STAU1: variants seen among roughly 807,000 people sequenced by gnomAD.
The protein encoded by STAU1 is staufen double-stranded RNA binding protein 1.
A neutral mutation model predicts 62.9 loss-of-function variants in STAU1; 13 were observed. That is an observed-to-expected ratio of 0.21 (90% CI 0.13 to 0.33). The LOEUF (loss-of-function observed/expected upper bound fraction) is 0.33. STAU1 is among the 10% of genes least tolerant of loss of function. The pLI is 1.00. For synonymous variants in STAU1, 269 were observed against 265.1 expected (o/e 1.01, Z -0.14); for missense variants, 571 against 712.1 (o/e 0.80, Z 2.25).
intron 3 of STAU1, among the ~76,000 whole-genome samples, chr20:49,162,135 C>G (rs189065319): frequency 7.5e-4 from 111 of 148,164 alleles, no homozygotes; most frequent in African/African-American, 2.9e-3. Context: ...AACTCTCATT[C>G]CTGGGCATCC....
chr20:49,123,937 C>G (rs905184113), intron 7 of STAU1, among the ~76,000 whole-genome samples: 1 of 152,106 alleles, frequency 6.6e-6, no homozygotes, highest in Non-Finnish European at 1.5e-5. Flanking sequence ...TAGTGTGGCT[C>G]AAAAATCCAA....
chr20:49,203,562 G>A, the STAU1 span, among the ~76,000 whole-genome samples: 1 of 152,182 alleles, frequency 6.6e-6, no homozygotes, highest in Non-Finnish European at 1.5e-5. Flanking sequence ...GATTCGAGAG[G>A]AAAGCTTGGG....
intron 6 of STAU1, among the ~76,000 whole-genome samples, chr20:49,126,845 A>C (rs1264688918): frequency 6.6e-6 from 1 of 151,900 alleles, no homozygotes; most frequent in Admixed American, 6.6e-5. Flanking sequence ...GCAACTAACT[A>C]GGTATCTGCA....
At chr20:49,177,088 T>C (rs2093669238) in intron 1 of STAU1, among the ~76,000 whole-genome samples, 1 of 151,986 alleles carries the variant, frequency 6.6e-6, no homozygotes, top group Non-Finnish European at 1.5e-5. Context: ...ATTTTTTGTA[T>C]TTTTAGTAGA....
intron 2 of STAU1, among the ~76,000 whole-genome samples, chr20:49,173,210 C>A (rs1433478670): frequency 1.3e-5 from 2 of 151,322 alleles, no homozygotes; most frequent in Non-Finnish European, 2.9e-5. Context: ...GTAATCCCAA[C>A]ACTTTGGGAG....
intron 3 of STAU1, 67 bp from the exon 4 acceptor site, chr20:49,154,138 T>A (rs981696048): frequency 6.8e-6 from 10 of 1,465,576 alleles, no homozygotes; most frequent in African/African-American, 1.4e-5. Flanking sequence ...TAAAATAAAA[T>A]GTAATAGCAT....
At chr20:49,138,635 G>C (rs1000450160) in intron 5 of STAU1, among the ~76,000 whole-genome samples, 2 of 152,116 alleles carry the variant, frequency 1.3e-5, no homozygotes, top group Admixed American at 6.5e-5. Flanking sequence ...CTGAGTAGCT[G>C]GGACTACTGG....
intron 10 of STAU1, 106 bp from the exon 11 acceptor site, chr20:49,118,202 C>A: frequency 1.4e-6 from 2 of 1,384,168 alleles, no homozygotes; most frequent in Non-Finnish European, 2.0e-6. Flanking sequence ...CGCATGGCAG[C>A]GCAGGGAATC....
intron 6 of STAU1, chr20:49,134,821 C>A: frequency 1.4e-6 from 2 of 1,444,402 alleles, no homozygotes; most frequent in Non-Finnish European, 9.7e-7. Flanking sequence ...TTCCACTTCA[C>A]GCAATTTATA....
intron 8 of STAU1, among the ~76,000 whole-genome samples, chr20:49,120,406 C>A (rs2092439362): frequency 6.6e-6 from 1 of 152,184 alleles, no homozygotes; most frequent in Non-Finnish European, 1.5e-5. Context: ...CATCTGTGTT[C>A]TGAGGGTCTG....
chr20:49,212,921 T>C, the STAU1 span, among the ~76,000 whole-genome samples: 3 of 152,132 alleles, frequency 2.0e-5, no homozygotes, highest in Non-Finnish European at 4.4e-5. Flanking sequence ...ACTGTTGTAA[T>C]ATCGGGTAAT....
At chr20:49,141,943 C>T (rs2093016185) in intron 5 of STAU1, among the ~76,000 whole-genome samples, 2 of 152,088 alleles carry the variant, frequency 1.3e-5, no homozygotes, top group South Asian at 4.1e-4. Flanking sequence ...TAAATCCAAA[C>T]TTATAAGTTT....
In STAU1 at chr20:49,114,576, G is replaced by A. The variant is rs958447669; in HGVS notation, c.*302C>T. ...GACCAAACACGGAGGTGCCCAGGGT[G>A]TGGATCTGCTGGTGTCCCGGGAGAA... is the stretch of plus-strand genomic sequence containing the variant. On this transcript the variant is annotated 3_prime_UTR_variant, in exon 14 of 14. Transcript: ENST00000371856. 4 of 416,678 alleles carry A rather than the reference G, an allele frequency of 9.6e-6. No homozygotes were observed. Among genetic ancestry groups the A allele is most frequent in the African/African-American group, 7.9e-5 (4 of 50,320 alleles). 25.8% of individuals were successfully genotyped at this position (416,678 alleles called of 1,614,324 possible).
chr20:49,117,940 G>T lies in STAU1; in HGVS notation c.1346C>A (p.Ala449Asp), dbSNP rs767562430. 2.0e-5 allele frequency: 33 copies of T among 1,614,164 alleles called. No individual in the cohort carries two copies. In the East Asian group the frequency reaches 5.1e-4, roughly 25 times the overall value. Residue 449 changes from alanine (A) to aspartate (D), a missense_variant, in exon 11 of 14, where the codon GCC becomes GAC. Physicochemically the swap from Ala to Asp is moderately radical, Grantham distance 126. Transcript: ENST00000371856. This position sits in a 1 kb window ranked among gnomAD's most constrained non-coding sequence, Gnocchi z 4.6. ...TCGGGCTATCATGGCAGTTACCGTG[G>T]CCTTGGCAGGATTCGGAGCTGCCCT... ...FTRAAPNPAK[A>D]TVTAMIAREL...
intron 3 of STAU1, among the ~76,000 whole-genome samples, chr20:49,154,409 G>A (rs1253548013): frequency 1.3e-5 from 2 of 152,178 alleles, no homozygotes; most frequent in East Asian, 1.9e-4. Flanking sequence ...CCATGTAAAT[G>A]TCCAAATTGT....
At chr20:49,124,090 G>A (rs139296673) in intron 7 of STAU1, among the ~76,000 whole-genome samples, 8 of 152,302 alleles carry the variant, frequency 5.3e-5, no homozygotes, top group East Asian at 1.9e-4. Flanking sequence ...CCCACAGACC[G>A]GCATGGCGTT....
chr20:49,171,569 G>A (rs561948349), intron 2 of STAU1, among the ~76,000 whole-genome samples: 7 of 152,206 alleles, frequency 4.6e-5, no homozygotes, highest in African/African-American at 1.4e-4. Context: ...TTACAAGCGT[G>A]AGCCACCGCA....
the STAU1 span, among the ~76,000 whole-genome samples, chr20:49,214,858 A>G: frequency 1.3e-5 from 2 of 152,240 alleles, no homozygotes; most frequent in Admixed American, 6.5e-5. Context: ...GAATTTCAAC[A>G]CATGAATTTG....
At chr20:49,205,121 A>T in the STAU1 span, among the ~76,000 whole-genome samples, 1 of 152,172 alleles carries the variant, frequency 6.6e-6, no homozygotes, top group Non-Finnish European at 1.5e-5. Context: ...TCTCAAATTT[A>T]ATACCAAGTA....
Sources: gnomAD v4.1 joint callset for allele counts (sites outside exome capture counted in the v4.1 genomes callset) on GRCh38, gnomAD v4.1.1 for gene constraint, Gnocchi (gnomAD v3.1) non-coding constraint, MANE v1.5 for transcripts, NCBI Gene and HGNC (gene_info 2026-07-23, HGNC 2026-07-21) for gene names.